The following HCRTR2 variants were observed in gnomAD, a reference collection of about 807,000 sequenced individuals.
HCRTR2 encodes the protein hypocretin receptor 2.
Under a neutral mutation model 49.0 loss-of-function variants are expected in HCRTR2, and 22 were observed. The observed-to-expected ratio is 0.45, with a 90% CI of 0.32 to 0.64. The LOEUF is 0.64. HCRTR2 is among the 30% of genes least tolerant of loss of function. The probability of loss-of-function intolerance (pLI) is 0.04; values close to 1 mark genes in which losing one functional copy is unlikely to be tolerated. For synonymous variants in HCRTR2, 236 were observed against 205.3 expected, an observed-to-expected ratio of 1.15 and a Z score of -1.28; for missense variants, 491 against 559.4, an observed-to-expected ratio of 0.88 and a Z score of 1.23.
intron 1 of HCRTR2, among the ~76,000 whole-genome samples, chr6:55,164,284 A>G (rs1482211715): frequency 6.6e-6 from 1 of 152,238 alleles, no homozygotes; most frequent in Non-Finnish European, 1.5e-5. Flanking sequence ...GCATATACCC[A>G]AAGGATTATA....
At chr6:55,258,339 A>C (rs1766691444) in intron 3 of HCRTR2, among the ~76,000 whole-genome samples, 1 of 152,136 alleles carries the variant, frequency 6.6e-6, no homozygotes, top group Non-Finnish European at 1.5e-5. Context: ...AGTGGAAAAA[A>C]ATTTGGAAAA....
chr6:55,246,238 C>T (rs1009833784), intron 1 of HCRTR2, among the ~76,000 whole-genome samples: 1 of 151,962 alleles, frequency 6.6e-6, no homozygotes, highest in African/African-American at 2.4e-5. Flanking sequence ...TTTAAGACAC[C>T]AGGCTTATGG....
chr6:55,155,561 G>A (rs1050602911), intron 1 of HCRTR2, among the ~76,000 whole-genome samples: 3 of 151,950 alleles, frequency 2.0e-5, no homozygotes, highest in African/African-American at 7.2e-5. Flanking sequence ...GGTATTAAAT[G>A]TTTTATATGA....
chr6:55,123,790 G>T lies in HCRTR2; in HGVS notation c.-378+17245G>T, dbSNP rs374830579. On this transcript the variant is annotated intron_variant, in intron 1 of 7. Transcript: ENST00000615358. Reference sequence around the variant, plus strand: ...TTTGGTTGACAGGATATTAATTACTGCCTCTATTTCAGAACTTGTAATTGG... The same window carrying T: ...TTTGGTTGACAGGATATTAATTACTTCCTCTATTTCAGAACTTGTAATTGG... Among the ~76,000 whole-genome samples, 5 of 152,208 alleles carry T rather than the reference G, an allele frequency of 3.3e-5. No homozygotes were observed. In the Middle Eastern group the frequency reaches 0.01, roughly 313 times the overall value.
intron 1 of HCRTR2, among the ~76,000 whole-genome samples, chr6:55,226,816 T>C (rs1766016753): frequency 1.3e-5 from 2 of 148,460 alleles, no homozygotes. Context: ...CCTCCCGGGT[T>C]CACACCATTC....
intron 1 of HCRTR2, among the ~76,000 whole-genome samples, chr6:55,179,020 T>C (rs941537253): frequency 1.3e-5 from 2 of 152,178 alleles, no homozygotes; most frequent in African/African-American, 4.8e-5. Flanking sequence ...TTAAAATAAA[T>C]TATCCATTAA....
intron 1 of HCRTR2, among the ~76,000 whole-genome samples, chr6:55,222,951 A>G (rs1417180264): frequency 1.3e-5 from 2 of 152,244 alleles, no homozygotes. Context: ...TTTTTTTGAA[A>G]GCAAGTTGCT....
intron 1 of HCRTR2, among the ~76,000 whole-genome samples, chr6:55,125,265 T>C (rs549980047): frequency 6.6e-6 from 1 of 152,270 alleles, no homozygotes; most frequent in African/African-American, 2.4e-5. Flanking sequence ...TGTTTCTTTC[T>C]ATGTTTAGCG....
intron 1 of HCRTR2, among the ~76,000 whole-genome samples, chr6:55,160,339 C>T (rs548812735): frequency 1.8e-4 from 27 of 152,194 alleles, no homozygotes; most frequent in Non-Finnish European, 3.8e-4. Context: ...GAAGGAAGCA[C>T]TAAATATGAA....
At chr6:55,220,685 G>A (rs1239533169) in intron 1 of HCRTR2, among the ~76,000 whole-genome samples, 1 of 152,036 alleles carries the variant, frequency 6.6e-6, no homozygotes, top group Non-Finnish European at 1.5e-5. Context: ...TCTCATCAAC[G>A]TATTACTAGA....
chr6:55,150,554 C>T (rs1764651518), intron 1 of HCRTR2, among the ~76,000 whole-genome samples: 1 of 151,882 alleles, frequency 6.6e-6, no homozygotes, highest in African/African-American at 2.4e-5. Context: ...ATGAGTTTGA[C>T]TTTTTCATAT....
At chr6:55,271,735 G>T (rs1766977306) in intron 4 of HCRTR2, among the ~76,000 whole-genome samples, 2 of 152,034 alleles carry the variant, frequency 1.3e-5, no homozygotes, top group South Asian at 4.1e-4. Context: ...ATTCTGCAAA[G>T]AAGATATACA....
intron 1 of HCRTR2, among the ~76,000 whole-genome samples, chr6:55,154,333 C>T (rs1404103056): frequency 6.6e-6 from 1 of 151,748 alleles, no homozygotes; most frequent in South Asian, 2.1e-4. Flanking sequence ...ATAAAAACTA[C>T]AAATGTGGGA....
intron 4 of HCRTR2, among the ~76,000 whole-genome samples, chr6:55,268,098 A>G (rs1176063750): frequency 6.6e-6 from 1 of 152,200 alleles, no homozygotes; most frequent in Non-Finnish European, 1.5e-5. Flanking sequence ...TTTGTTTTAT[A>G]CTATTGAAAT....
intron 2 of HCRTR2, among the ~76,000 whole-genome samples, chr6:55,249,296 G>T (rs2127312582): frequency 6.6e-6 from 1 of 152,208 alleles, no homozygotes; most frequent in Admixed American, 6.5e-5. Context: ...GTTTTTACAA[G>T]TGATTTTATT....
At chr6:55,272,414 T>C (rs1230337769) in intron 4 of HCRTR2, among the ~76,000 whole-genome samples, 3 of 152,046 alleles carry the variant, frequency 2.0e-5, no homozygotes, top group East Asian at 3.9e-4. Flanking sequence ...GTGATGAAAA[T>C]GTTCTAGATT....
intron 1 of HCRTR2, among the ~76,000 whole-genome samples, chr6:55,141,056 C>T (rs1025896844): frequency 5.3e-5 from 8 of 151,882 alleles, no homozygotes; most frequent in African/African-American, 1.9e-4. Flanking sequence ...TGTTAGAGGC[C>T]GGGTGCGACG....
chr6:55,155,985 G>T (rs1376965762), intron 1 of HCRTR2, among the ~76,000 whole-genome samples: 1 of 151,728 alleles, frequency 6.6e-6, no homozygotes, highest in Non-Finnish European at 1.5e-5. Flanking sequence ...CTAAACTTCA[G>T]GTACCATCCT....
intron 1 of HCRTR2, among the ~76,000 whole-genome samples, chr6:55,222,735 G>C (rs1270079528): frequency 6.6e-6 from 1 of 152,122 alleles, no homozygotes; most frequent in African/African-American, 2.4e-5. Flanking sequence ...AAAGTAGTCA[G>C]TCATAGAAGC....
Sources: allele counts gnomAD v4.1 joint callset (sites outside exome capture counted in the v4.1 genomes callset), GRCh38; gene constraint gnomAD v4.1.1; transcripts MANE v1.5; gene names NCBI Gene and HGNC (gene_info 2026-07-23, HGNC 2026-07-21).